The following BIN3 variants were observed in gnomAD, a reference collection of about 807,000 sequenced individuals.
The protein encoded by BIN3 is bridging integrator 3.
A neutral mutation model predicts 38.2 loss-of-function variants in BIN3; 41 were observed. The ratio of observed to expected loss-of-function variants is 1.07; its 90% CI spans 0.84 to 1.39. BIN3 has a LOEUF of 1.39. BIN3 is among the 40% of genes most tolerant of loss of function. BIN3 has a pLI of 0.00. For missense variants in BIN3, 361 were observed against 324.3 expected (o/e 1.11, Z -0.87); for synonymous variants, 145 against 122.6 (o/e 1.18, Z -1.21).
chr8:22,662,591 AC>A (rs1300609558), intron 1 of BIN3, among the ~76,000 whole-genome samples: 4 of 152,134 alleles, frequency 2.6e-5, no homozygotes, highest in Non-Finnish European at 5.9e-5. Flanking sequence ...TACACAAGTA[AC>A]CCTATCTTCA....
At chr8:22,655,984 C>G (rs890278272) in intron 1 of BIN3, among the ~76,000 whole-genome samples, 2 of 152,124 alleles carry the variant, frequency 1.3e-5, no homozygotes, top group Non-Finnish European at 2.9e-5. Flanking sequence ...CTTAGCAAAG[C>G]AAATCCCTTC....
At chr8:22,637,047 C>T in intron 2 of BIN3, 85 bp from the exon 3 acceptor site, 1 of 1,236,444 alleles carries the variant, frequency 8.1e-7, no homozygotes, top group Non-Finnish European at 1.2e-6. Context: ...TCTCTCCACA[C>T]CCTGCCCCAG....
chr8:22,649,999 A>T (rs1005565185), intron 1 of BIN3, among the ~76,000 whole-genome samples: 1 of 152,252 alleles, frequency 6.6e-6, no homozygotes, highest in Admixed American at 6.5e-5. Context: ...AGAATATATC[A>T]TTTTCACTCT....
At position 22,669,040 on chromosome 8, in the gene BIN3, T is replaced by C; in HGVS notation, c.8+4A>G. 6.3e-7 allele frequency: 1 copy of C among 1,586,846 alleles called. No individual in the cohort carries two copies. Among genetic ancestry groups the C allele is most frequent in the African/African-American group, 1.3e-5 (1 of 74,420 alleles). On this transcript the variant is annotated splice_donor_region_variant and intron_variant, in intron 1 of 8. Transcript: ENST00000276416. ...GCAGCTCCCGCCGCCTGGGCCTCAC[T>C]CACCAGCTCATGGTCCCGAACCTGC... is the stretch of plus-strand genomic sequence containing the variant.
intron 1 of BIN3, among the ~76,000 whole-genome samples, chr8:22,666,950 T>G (rs1008165232): frequency 6.6e-6 from 1 of 152,108 alleles, no homozygotes; most frequent in Non-Finnish European, 1.5e-5. Flanking sequence ...GGAAAACCAC[T>G]CAGGGAGTGA....
intron 6 of BIN3, chr8:22,625,749 A>G (rs77544569): frequency 4.6e-6 from 1 of 217,084 alleles, no homozygotes; most frequent in Non-Finnish European, 9.5e-6. Context: ...CACTACGCCC[A>G]GCTAATTTTC....
intron 1 of BIN3, among the ~76,000 whole-genome samples, chr8:22,666,531 G>T (rs1169163741): frequency 6.6e-6 from 1 of 152,152 alleles, no homozygotes; most frequent in Non-Finnish European, 1.5e-5. Context: ...ACAGACCACC[G>T]GGTCACTTTT....
At chr8:22,640,971 G>A (rs1023598261) in intron 2 of BIN3, among the ~76,000 whole-genome samples, 6 of 152,268 alleles carry the variant, frequency 3.9e-5, no homozygotes, top group Middle Eastern at 3.4e-3. Context: ...TCCAGCGGCC[G>A]GGGTGGGTTG....
intron 1 of BIN3, among the ~76,000 whole-genome samples, chr8:22,663,704 C>T (rs921377990): frequency 5.3e-5 from 8 of 152,202 alleles, no homozygotes; most frequent in African/African-American, 1.9e-4. Flanking sequence ...TCTACCCAAA[C>T]CACTACTTAC....
At chr8:22,665,821 G>A (rs893254964) in intron 1 of BIN3, among the ~76,000 whole-genome samples, 3 of 152,136 alleles carry the variant, frequency 2.0e-5, no homozygotes, top group African/African-American at 7.2e-5. Context: ...TCAAACATGA[G>A]GAACACCAAA....
In BIN3 at chr8:22,628,622, A is replaced by G. The variant is rs117493570; in HGVS notation, c.338+1342T>C. Reference sequence around the variant, plus strand: ...ATTTGGGCTTCAGAAGCCAGGGATCAGATTTCAAGGGCGCCTTGCTGATAC... The same window carrying G: ...ATTTGGGCTTCAGAAGCCAGGGATCGGATTTCAAGGGCGCCTTGCTGATAC... On this transcript the variant is annotated intron_variant, in intron 6 of 8. Transcript: ENST00000276416. Among the ~76,000 whole-genome samples, 1,159 of 152,314 alleles carry G rather than the reference A, an allele frequency of 7.6e-3. 9 individuals are homozygous for G. Among genetic ancestry groups the G allele is most frequent in the Non-Finnish European group, 0.011 (742 of 68,014 alleles).
At chr8:22,643,388 T>C (rs1802622948) in intron 2 of BIN3, among the ~76,000 whole-genome samples, 1 of 152,064 alleles carries the variant, frequency 6.6e-6, no homozygotes, top group Non-Finnish European at 1.5e-5. Flanking sequence ...TGGAGTGCAG[T>C]GGTGCAATCA....
intron 8 of BIN3, 137 bp from the exon 9 acceptor site, chr8:22,621,705 G>A: frequency 4.3e-6 from 4 of 924,198 alleles, no homozygotes; most frequent in Non-Finnish European, 6.5e-6. Context: ...TTGGGGATAT[G>A]CAGGGCACGG....
chr8:22,647,561 C>T (rs1170782896), intron 1 of BIN3, among the ~76,000 whole-genome samples: 5 of 152,162 alleles, frequency 3.3e-5, no homozygotes, highest in African/African-American at 7.2e-5. Flanking sequence ...GATGAAAACA[C>T]CTAGTCTCAA....
rs1803109298 is a variant in BIN3, at chr8:22,657,981, C to T, written c.8+11063G>A. ...CCCAACTGGGCTTCGGGACTCTCCT[C>T]CCTCCTCCTCACACTTGCCTCAGTG... On this transcript the variant is annotated intron_variant, in intron 1 of 8. Transcript: ENST00000276416. Among the ~76,000 whole-genome samples, 2 of 152,212 alleles carry T rather than the reference C, an allele frequency of 1.3e-5. 1 individual carries two copies. Among genetic ancestry groups the T allele is most frequent in the South Asian group, 4.1e-4 (2 of 4,832 alleles).
intron 8 of BIN3, 108 bp from the exon 9 acceptor site, chr8:22,621,676 G>A (rs774570387): frequency 5.5e-5 from 67 of 1,214,814 alleles, no homozygotes; most frequent in Non-Finnish European, 7.1e-5. Flanking sequence ...CCCATCTGGA[G>A]CTGTGCAGCA....
At chr8:22,667,728 G>C (rs1326703645) in intron 1 of BIN3, among the ~76,000 whole-genome samples, 1 of 152,172 alleles carries the variant, frequency 6.6e-6, no homozygotes, top group Non-Finnish European at 1.5e-5. Flanking sequence ...AGCTCCTGCC[G>C]GGGCTTATTA....
intron 6 of BIN3, 196 bp downstream of exon 6, chr8:22,629,768 C>T: frequency 1.6e-6 from 1 of 616,376 alleles, no homozygotes; most frequent in Non-Finnish European, 2.9e-6. Context: ...TCGCCTGGGC[C>T]ATGTGGGTAC....
intron 1 of BIN3, among the ~76,000 whole-genome samples, chr8:22,650,192 G>A (rs566687482): frequency 1.3e-5 from 2 of 152,122 alleles, no homozygotes. Context: ...GAGTCATACA[G>A]GATCAATTCT....
Sources: allele counts gnomAD v4.1 joint callset (sites outside exome capture counted in the v4.1 genomes callset), GRCh38; gene constraint gnomAD v4.1.1; transcripts MANE v1.5; gene names NCBI Gene and HGNC (gene_info 2026-07-23, HGNC 2026-07-21).